The following LRRC4C variants were observed in gnomAD, a reference collection of about 807,000 sequenced individuals.
LRRC4C encodes leucine-rich repeat-containing protein 4C.
Under a neutral mutation model 33.6 loss-of-function variants are expected in LRRC4C, and 5 were observed. The ratio of observed to expected loss-of-function variants is 0.15; its 90% CI spans 0.08 to 0.31. LRRC4C has a LOEUF of 0.31. Ranked by LOEUF, LRRC4C falls within the 10% of genes least tolerant of loss-of-function variation. The pLI is 1.00. For synonymous variants in LRRC4C, 329 were observed against 302.0 expected, an observed-to-expected ratio of 1.09 and a Z score of -0.93; for missense variants, 560 against 796.7, an observed-to-expected ratio of 0.70 and a Z score of 3.58.
chr11:41,030,860 C>A (rs1457998787), intron 1 of LRRC4C, among the ~76,000 whole-genome samples: 1 of 151,690 alleles, frequency 6.6e-6, no homozygotes, highest in Non-Finnish European at 1.5e-5. Flanking sequence ...TAGTTATACA[C>A]ACTCTAAAAC....
chr11:40,489,757 C>T (rs1014608150), intron 3 of LRRC4C, among the ~76,000 whole-genome samples: 4 of 152,106 alleles, frequency 2.6e-5, no homozygotes, highest in South Asian at 2.1e-4. Flanking sequence ...GGTCAGCTCC[C>T]ATTTACTATT....
intron 1 of LRRC4C, among the ~76,000 whole-genome samples, chr11:41,309,968 T>C (rs1416347338): frequency 6.6e-6 from 1 of 152,256 alleles, no homozygotes; most frequent in Non-Finnish European, 1.5e-5. Flanking sequence ...CTTTGATGTG[T>C]TGATTTCCTA....
Position 40,244,343 on chromosome 11 carries a change from A to C in LRRC4C, c.-175-2745T>G, listed in dbSNP as rs189244240. ...AATCCTCTGTGTCCTCTCTCTCCCA[A>C]AGCACAGGATAAAGTTGTTCTCTGA... is the stretch of plus-strand genomic sequence containing the variant. On this transcript the variant is annotated intron_variant, in intron 4 of 6. Transcript: ENST00000528697. Among the ~76,000 whole-genome samples the C allele has an allele frequency of 1.1e-3, 162 of 151,888 alleles. 1 individual carries two copies. The highest frequency in any genetic ancestry group is 3.8e-3 in the African/African-American group (159 of 41,428).
At chr11:40,877,354 G>A (rs79818629) in intron 2 of LRRC4C, among the ~76,000 whole-genome samples, 94 of 152,174 alleles carry the variant, frequency 6.2e-4, no homozygotes, top group African/African-American at 1.3e-3. Flanking sequence ...TGTTGCCCAC[G>A]AAGGTGCACA....
chr11:40,372,796 A>G (rs1948506426), intron 3 of LRRC4C, among the ~76,000 whole-genome samples: 1 of 152,184 alleles, frequency 6.6e-6, no homozygotes, highest in African/African-American at 2.4e-5. Context: ...CCTAGTCTCC[A>G]AACATTGCTG....
rs143833149 is a variant in LRRC4C at position 40,942,290 on chromosome 11, G to A, written c.-495-8567C>T. 4.6e-5 allele frequency among the ~76,000 whole-genome samples: 7 copies of A among 152,296 alleles called. No homozygotes were observed. The South Asian group carries it at 8.3e-4, about 18-fold the overall frequency. ...GCAAAAGACCCATTGGATCTTAAGAGCAGCTTCTAGGACTATCAGTCAATT... is the reference window on the plus strand; with the variant it reads ...GCAAAAGACCCATTGGATCTTAAGAACAGCTTCTAGGACTATCAGTCAATT... On this transcript the variant is annotated intron_variant, in intron 1 of 6. Transcript: ENST00000528697.
At chr11:40,847,132 C>CA (rs397716395) in intron 2 of LRRC4C, among the ~76,000 whole-genome samples, 2 of 151,318 alleles carry the variant, frequency 1.3e-5, no homozygotes, top group African/African-American at 4.9e-5. Flanking sequence ...ATTTGAATAC[C>CA]TTTCTTTCTT....
intron 1 of LRRC4C, among the ~76,000 whole-genome samples, chr11:41,382,654 CAT>C (rs1953199105): frequency 6.6e-6 from 1 of 151,992 alleles, no homozygotes. Flanking sequence ...AACTTGAAGA[CAT>C]GTAAATAAAA....
chr11:40,985,013 T>G (rs1852896882), intron 1 of LRRC4C, among the ~76,000 whole-genome samples: 1 of 148,398 alleles, frequency 6.7e-6, no homozygotes, highest in East Asian at 2.1e-4. Context: ...GCGATTCTCC[T>G]GCCTCAGCCT....
intron 3 of LRRC4C, among the ~76,000 whole-genome samples, chr11:40,613,407 A>G (rs1591276600): frequency 6.6e-6 from 1 of 151,972 alleles, no homozygotes; most frequent in South Asian, 2.1e-4. Context: ...CATAAAATGT[A>G]ACTCCTTATT....
intron 1 of LRRC4C, among the ~76,000 whole-genome samples, chr11:41,115,100 T>C (rs1252988183): frequency 6.6e-6 from 1 of 152,096 alleles, no homozygotes; most frequent in Non-Finnish European, 1.5e-5. Flanking sequence ...TAATAAAAAG[T>C]TATAAACATT....
intron 3 of LRRC4C, among the ~76,000 whole-genome samples, chr11:40,536,189 T>C (rs1052375403): frequency 4.7e-5 from 7 of 149,258 alleles, no homozygotes; most frequent in Non-Finnish European, 8.9e-5. Context: ...GAACAGCCTC[T>C]TTTTTTTTTC....
chr11:41,271,108 A>T (rs1041165494), intron 1 of LRRC4C, among the ~76,000 whole-genome samples: 1 of 152,104 alleles, frequency 6.6e-6, no homozygotes, highest in African/African-American at 2.4e-5. Flanking sequence ...ACCAGGTAGG[A>T]CTAGGACATA....
chr11:40,513,178 G>A (rs1275999025), intron 3 of LRRC4C, among the ~76,000 whole-genome samples: 4 of 149,284 alleles, frequency 2.7e-5, no homozygotes, highest in South Asian at 4.2e-4. Flanking sequence ...GAACCTGGGA[G>A]GCAGAGGTTG....
intron 1 of LRRC4C, among the ~76,000 whole-genome samples, chr11:41,371,834 C>G (rs1952757919): frequency 6.6e-6 from 1 of 152,144 alleles, no homozygotes; most frequent in African/African-American, 2.4e-5. Context: ...TGACTTCCTC[C>G]AAAACAGAGA....
At chr11:41,107,703 C>T (rs761317164) in intron 1 of LRRC4C, among the ~76,000 whole-genome samples, 4 of 152,016 alleles carry the variant, frequency 2.6e-5, no homozygotes, top group Non-Finnish European at 5.9e-5. Context: ...TTTGATAGGC[C>T]GAAGCAGGCA....
intron 1 of LRRC4C, among the ~76,000 whole-genome samples, chr11:41,343,467 A>G (rs1248663419): frequency 6.6e-6 from 1 of 152,222 alleles, no homozygotes; most frequent in Non-Finnish European, 1.5e-5. Context: ...TGCATGCTGA[A>G]ATGATGAGTT....
intron 1 of LRRC4C, among the ~76,000 whole-genome samples, chr11:41,337,334 C>T (rs1425105392): frequency 6.6e-6 from 1 of 152,170 alleles, no homozygotes. Flanking sequence ...GTGTAAGCCA[C>T]TGCACCTGGA....
At chr11:40,273,737 A>G (rs1406170526) in intron 4 of LRRC4C, among the ~76,000 whole-genome samples, 1 of 152,184 alleles carries the variant, frequency 6.6e-6, no homozygotes, top group Non-Finnish European at 1.5e-5. Context: ...CAAATGGCCA[A>G]CATACCTGTT....
Sources: allele counts gnomAD v4.1 joint callset (sites outside exome capture counted in the v4.1 genomes callset), GRCh38; gene constraint gnomAD v4.1.1; transcripts MANE v1.5; gene names NCBI Gene and HGNC (gene_info 2026-07-23, HGNC 2026-07-21).